Variants in LARP1B observed in about 807,000 individuals in gnomAD.
LARP1B encodes La ribonucleoprotein 1B, also known as la-related protein 1B.
LARP1B carries 76 observed loss-of-function variants against 114.2 expected under a neutral mutation model. The ratio of observed to expected loss-of-function variants is 0.67; its 90% CI spans 0.55 to 0.81. LARP1B has a LOEUF of 0.81. Among genes scored for constraint, LARP1B ranks in the 30% least tolerant of loss-of-function variants. LARP1B has a pLI of 0.00. For missense variants in LARP1B, 1,014 were observed against 1,075.8 expected, an observed-to-expected ratio of 0.94 and a Z score of 0.80; for synonymous variants, 345 against 348.0, an observed-to-expected ratio of 0.99 and a Z score of 0.10.
At chr4:128,175,227 G>A (rs887845115) in intron 12 of LARP1B, among the ~76,000 whole-genome samples, 3 of 152,066 alleles carry the variant, frequency 2.0e-5, no homozygotes, top group African/African-American at 7.2e-5. Context: ...GTATATTCAG[G>A]TTTTGGCATG....
intron 1 of LARP1B, among the ~76,000 whole-genome samples, chr4:128,067,751 G>C (rs897143910): frequency 1.3e-5 from 2 of 149,644 alleles, no homozygotes; most frequent in African/African-American, 4.9e-5. Context: ...CCTTGCTCTC[G>C]TCGCTCAAGC....
At chr4:128,181,634 T>C (rs564088086) in intron 15 of LARP1B, among the ~76,000 whole-genome samples, 9 of 152,336 alleles carry the variant, frequency 5.9e-5, no homozygotes, top group African/African-American at 1.7e-4. Context: ...TACTTTGTTT[T>C]GTTGTGCTTC....
At chr4:128,098,046 G>A in intron 7 of LARP1B, 140 bp from the exon 8 acceptor site, 1 of 583,242 alleles carries the variant, frequency 1.7e-6, no homozygotes. Flanking sequence ...CCCTATCTGT[G>A]TTGTATTAGA....
chr4:128,155,199 T>G (rs1734908644), intron 11 of LARP1B, among the ~76,000 whole-genome samples: 1 of 152,202 alleles, frequency 6.6e-6, no homozygotes. Flanking sequence ...GCTTTGGTTG[T>G]GCATCCAGTT....
At chr4:128,097,746 A>ATT (rs1778592559) in intron 7 of LARP1B, among the ~76,000 whole-genome samples, 1 of 152,162 alleles carries the variant, frequency 6.6e-6, no homozygotes. Context: ...TTTCCAGTAT[A>ATT]CCACTCTTCT....
intron 3 of LARP1B, 117 bp from the exon 4 acceptor site, chr4:128,077,671 G>C (rs1471769677): frequency 4.5e-6 from 5 of 1,101,206 alleles, no homozygotes; most frequent in Non-Finnish European, 6.2e-6. Flanking sequence ...TTTTGCCTTT[G>C]ATAACAGTTT....
chr4:128,100,899 C>G (rs185417004), intron 8 of LARP1B, among the ~76,000 whole-genome samples: 2,177 of 150,220 alleles, frequency 0.014, 26 homozygotes, highest in Non-Finnish European at 0.022. Context: ...CTCACTGCAA[C>G]CTGCGTTTCC....
In LARP1B at chr4:128,209,877, G is replaced by A. The variant is rs758091885; in HGVS notation, c.2569G>A (p.Gly857Arg). ...RVDPPISDEF[G>R]RKRHSSTSGE... ...GCAGCCCCCTATTAGTGATGAATTTGGAAGAAAAAGACATTCCTCTACTTC... is the reference window on the plus strand; with the variant it reads ...GCAGCCCCCTATTAGTGATGAATTTAGAAGAAAAAGACATTCCTCTACTTC... Residue 857 changes from glycine to arginine, a missense_variant, in exon 20 of 20, where the codon GGA (glycine) becomes AGA (arginine). Physicochemically the swap from Gly to Arg is moderately radical, Grantham distance 125 (BLOSUM62 -2). Coordinates refer to ENST00000326639, the MANE Select transcript of LARP1B (RefSeq NM_018078.4). 6.2e-7 allele frequency: 1 copy of A among 1,613,676 alleles called. No homozygotes were observed.
At chr4:128,163,108 G>A (rs929013919) in intron 12 of LARP1B, among the ~76,000 whole-genome samples, 2 of 151,490 alleles carry the variant, frequency 1.3e-5, no homozygotes. Context: ...TTTTTTTCCA[G>A]TTTCTTCAAA....
At chr4:128,179,591 A>C (rs1057222281) in intron 15 of LARP1B, 79 bp downstream of exon 15, 2 of 827,098 alleles carry the variant, frequency 2.4e-6, no homozygotes, top group Non-Finnish European at 3.8e-6. Flanking sequence ...GATATTTCAA[A>C]ATATTTAAAA....
intron 11 of LARP1B, among the ~76,000 whole-genome samples, chr4:128,136,715 A>G (rs1275761337): frequency 6.6e-6 from 1 of 152,224 alleles, no homozygotes; most frequent in Non-Finnish European, 1.5e-5. Flanking sequence ...CAAGGCATTT[A>G]TATTACACAA....
intron 9 of LARP1B, among the ~76,000 whole-genome samples, chr4:128,112,335 A>AT (rs34444504): frequency 3.5e-4 from 53 of 149,806 alleles, no homozygotes; most frequent in African/African-American, 6.4e-4. Context: ...TAATGGCACT[A>AT]TTTTTTTTTA....
intron 15 of LARP1B, among the ~76,000 whole-genome samples, chr4:128,183,548 A>T (rs1749290275): frequency 1.3e-5 from 2 of 152,230 alleles, no homozygotes; most frequent in South Asian, 4.1e-4. Context: ...AGTGTACGTC[A>T]TCACCCAAGA....
downstream of LARP1B, among the ~76,000 whole-genome samples, chr4:128,214,635 C>A (rs1242428493): frequency 1.6e-5 from 2 of 125,100 alleles, no homozygotes; most frequent in Admixed American, 8.5e-5. Context: ...CACCGAAAAC[C>A]CATCTGTACA....
At chr4:128,170,941 A>G (rs999039256) in intron 12 of LARP1B, among the ~76,000 whole-genome samples, 13 of 111,684 alleles carry the variant, frequency 1.2e-4, no homozygotes, top group African/African-American at 4.5e-4. Flanking sequence ...AACTTTTTCC[A>G]TTACATTTTA....
In LARP1B at chr4:128,209,959, A is replaced by C; in HGVS notation, c.2651A>C (p.Asn884Thr). ...LPPNSSTKPP[N>T]AAKPTSTSEL... ...CCTAATTCCTCTACAAAGCCACCAA[A>C]TGCTGCTAAACCTACATCTACCAGT... is the stretch of plus-strand genomic sequence containing the variant. The change falls in exon 20 of 20, where the codon AAT (asparagine) becomes ACT (threonine). Residue 884 changes from asparagine (N) to threonine (T), a missense_variant. Transcript: ENST00000326639. The C allele has an allele frequency of 6.2e-7, 1 of 1,613,992 alleles. No homozygotes were observed. Among genetic ancestry groups the C allele is most frequent in the Non-Finnish European group, 8.5e-7 (1 of 1,179,904 alleles).
At chr4:128,103,134 C>T (rs1780850231) in intron 8 of LARP1B, among the ~76,000 whole-genome samples, 1 of 152,102 alleles carries the variant, frequency 6.6e-6, no homozygotes, top group African/African-American at 2.4e-5. Context: ...TACCCAGTAA[C>T]TCATTGTTTA....
intron 11 of LARP1B, among the ~76,000 whole-genome samples, chr4:128,160,920 G>C (rs769856182): frequency 6.6e-6 from 1 of 152,190 alleles, no homozygotes; most frequent in Non-Finnish European, 1.5e-5. Context: ...AGATTCTTTT[G>C]TTATTAAGAG....
intron 17 of LARP1B, among the ~76,000 whole-genome samples, chr4:128,204,169 A>T (rs935953143): frequency 2.0e-5 from 3 of 152,074 alleles, no homozygotes; most frequent in African/African-American, 7.2e-5. Flanking sequence ...ATATTCCTCT[A>T]AAATATGATT....
Sources: gnomAD v4.1 joint callset for allele counts (sites outside exome capture counted in the v4.1 genomes callset) on GRCh38, gnomAD v4.1.1 for gene constraint, MANE v1.5 for transcripts, NCBI Gene and HGNC (gene_info 2026-07-23, HGNC 2026-07-21) for gene names.